The following CHST6 variants were observed in gnomAD, a reference collection of about 807,000 sequenced individuals.
The protein encoded by CHST6 is N-acetylglucosamine 6-O-sulfotransferase 5.
For missense variants in CHST6, 698 were observed against 586.2 expected (o/e 1.19, Z -1.97); for synonymous variants, 309 against 276.4 (o/e 1.12, Z -1.17).
chr16:75,482,406 G>A (rs1406147037), intron 1 of CHST6, among the ~76,000 whole-genome samples: 1 of 152,232 alleles, frequency 6.6e-6, no homozygotes, highest in Non-Finnish European at 1.5e-5. Flanking sequence ...AAATTAGCCA[G>A]GCGTTGTGGC....
chr16:75,480,570 A>T (rs1421031072), intron 2 of CHST6, among the ~76,000 whole-genome samples: 1 of 149,444 alleles, frequency 6.7e-6, no homozygotes, highest in Non-Finnish European at 1.5e-5. Context: ...GCAGTGTATG[A>T]TTTTTTTTTT....
Position 75,479,827 on chromosome 16 carries a change from ATGCTGAC to A in CHST6, c.-6_1del, listed in dbSNP as rs773100046. ...TGTGCTGGAGACGCGCGGCAGCCAC[ATGCTGAC>A]TGCTGGGGGCCTTAGGGAGGAGAGC... is the stretch of plus-strand genomic sequence containing the variant. On this transcript the variant is annotated start_lost and start_retained_variant and 5_prime_UTR_variant, in exon 3 of 3. Coordinates refer to ENST00000332272, the MANE Select transcript of CHST6 (RefSeq NM_021615.5). 23 of 1,553,898 alleles carry A rather than the reference ATGCTGAC, an allele frequency of 1.5e-5. No homozygotes were observed. The highest frequency in any genetic ancestry group is 3.9e-5 in the Admixed American group (2 of 51,304).
Position 75,495,060 on chromosome 16 carries a change from T to C in CHST6, c.-212A>G, listed in dbSNP as rs2080295234. The C allele has an allele frequency of 6.6e-6, 1 of 152,474 alleles. No individual in the cohort carries two copies. Among genetic ancestry groups the C allele is most frequent in the African/African-American group, 2.4e-5 (1 of 41,430 alleles). The allele number at this position is 152,474 out of a possible 1,614,324, so 9.4% of individuals were successfully genotyped here. A position where few individuals can be genotyped will look rare whatever the true frequency, so the allele number is the denominator to read the frequency against. ...AAATTCCACCGCACAGCCAGCTCTT[T>C]CTCTTCACTGGGAGGGTCCGCAGGG... On this transcript the variant is annotated 5_prime_UTR_variant, in exon 1 of 3. Coordinates refer to ENST00000332272, the MANE Select transcript of CHST6 (RefSeq NM_021615.5).
Position 75,478,665 on chromosome 16 carries a change from G to A in CHST6, c.1164C>T (p.Ser388=). The A allele has an allele frequency of 6.2e-7, 1 of 1,613,732 alleles. No homozygotes were observed. Among genetic ancestry groups the A allele is most frequent in the Non-Finnish European group, 8.5e-7 (1 of 1,180,010 alleles). ...ACTAATTTCGGGGGTGCGAGGCGGT[G>A]GATGATGCCCAAGTGAAGCCGTTCA... ...RGLNGFTWAS[S]TASHPRN The change falls in exon 3 of 3, where the codon TCC becomes TCT. Residue 388 remains serine, a synonymous_variant. Coordinates refer to ENST00000332272, the MANE Select transcript of CHST6 (RefSeq NM_021615.5).
chr16:75,483,834 G>A (rs1206855716), intron 1 of CHST6, among the ~76,000 whole-genome samples: 1 of 148,872 alleles, frequency 6.7e-6, no homozygotes, highest in Non-Finnish European at 1.5e-5. Flanking sequence ...GACCAGCCTG[G>A]GCAACATGGC....
chr16:75,489,095 G>A (rs1284129091), intron 1 of CHST6, among the ~76,000 whole-genome samples: 1 of 151,648 alleles, frequency 6.6e-6, no homozygotes, highest in African/African-American at 2.4e-5. Context: ...TGAGGAAAGT[G>A]AGGTGTAGAA....
At position 75,478,671 on chromosome 16, in the gene CHST6, T is replaced by C; in HGVS notation, c.1158A>G (p.Ala386=). ...TTCGGGGGTGCGAGGCGGTGGATGA[T>C]GCCCAAGTGAAGCCGTTCAGGCCTC... The part of the protein sequence containing the change: ...LPRGLNGFTW[A]SSTASHPRN The change falls in exon 3 of 3, where the codon GCA becomes GCG. Residue 386 remains alanine (A), a synonymous_variant. Coordinates refer to ENST00000332272, the MANE Select transcript of CHST6 (RefSeq NM_021615.5). The C allele has an allele frequency of 1.9e-6, 3 of 1,613,708 alleles. No individual in the cohort carries two copies. Among genetic ancestry groups the C allele is most frequent in the Non-Finnish European group, 2.5e-6 (3 of 1,180,018 alleles).
intron 1 of CHST6, among the ~76,000 whole-genome samples, chr16:75,489,170 G>A (rs1251751846): frequency 4.0e-5 from 6 of 151,748 alleles, no homozygotes; most frequent in Admixed American, 2.6e-4. Flanking sequence ...AGGCCGAGGC[G>A]GGCGGATTAC....
At chr16:75,490,351 G>A (rs988379577) in intron 1 of CHST6, among the ~76,000 whole-genome samples, 1 of 151,744 alleles carries the variant, frequency 6.6e-6, no homozygotes, top group African/African-American at 2.4e-5. Context: ...GGTGGCGCAT[G>A]CCTGTAAACC....
chr16:75,494,787 C>T (rs2080292041), intron 1 of CHST6, among the ~76,000 whole-genome samples, 153 bp downstream of exon 1: 2 of 152,228 alleles, frequency 1.3e-5, no homozygotes, highest in Admixed American at 1.3e-4. Flanking sequence ...ATGCCCTTTC[C>T]ACGTTGCTGA....
In CHST6 at chr16:75,479,801, C is replaced by A; in HGVS notation, c.28G>T (p.Ala10Ser). 1 of 1,574,924 alleles carries A rather than the reference C, an allele frequency of 6.3e-7. No individual in the cohort carries two copies. The highest frequency in any genetic ancestry group is 8.6e-7 in the Non-Finnish European group (1 of 1,162,084). The change falls in exon 3 of 3, where the codon GCA becomes TCA. Residue 10 changes from alanine (A) to serine (S), a missense_variant. Coordinates refer to ENST00000332272, the MANE Select transcript of CHST6 (RefSeq NM_021615.5). MWLPRVSST[A>S]VTALLLAQTF... The stretch of plus-strand genomic sequence containing the variant: ...TGCGCCAGGAGGAGCGCGGTCACTG[C>A]TGTGCTGGAGACGCGCGGCAGCCAC...
intron 1 of CHST6, among the ~76,000 whole-genome samples, chr16:75,494,411 TCA>T (rs940003868): frequency 6.6e-6 from 1 of 152,150 alleles, no homozygotes; most frequent in Non-Finnish European, 1.5e-5. Flanking sequence ...TCTTCAGGCC[TCA>T]GTTTTCCCAT....
Position 75,478,151 on chromosome 16 carries a change from C to T in CHST6, c.*490G>A, listed in dbSNP as rs116988656. The T allele has an allele frequency of 4.1e-4, 83 of 200,728 alleles. No homozygotes were observed. The East Asian group carries it at 9.4e-3, about 23-fold the overall frequency. 12.4% of individuals were successfully genotyped at this position (200,728 alleles called of 1,614,324 possible). Reference sequence around the variant, plus strand: ...AAAGCTCTCTCCTCCCTTCATCCTCCTTCTCACCATGTGATTTCAGACAAG... The same window carrying T: ...AAAGCTCTCTCCTCCCTTCATCCTCTTTCTCACCATGTGATTTCAGACAAG... On this transcript the variant is annotated 3_prime_UTR_variant, in exon 3 of 3. Transcript: ENST00000332272.
At chr16:75,484,415 G>C (rs905526394) in intron 1 of CHST6, among the ~76,000 whole-genome samples, 11 of 152,240 alleles carry the variant, frequency 7.2e-5, no homozygotes, top group African/African-American at 2.7e-4. Flanking sequence ...GGGCTCTGTG[G>C]TGGGTGTCGC....
At chr16:75,487,154 G>A (rs758456462) in intron 1 of CHST6, among the ~76,000 whole-genome samples, 1 of 152,186 alleles carries the variant, frequency 6.6e-6, no homozygotes, top group Admixed American at 6.6e-5. Context: ...GCTTTCTGCC[G>A]AGCACCTTAA....
In CHST6 at chr16:75,479,727, T is replaced by C. The variant is rs1397597878; in HGVS notation, c.102A>G (p.Pro34=). The part of the protein sequence containing the change: ...FLVSRPGPSS[P]AGGEARVHVL... The stretch of plus-strand genomic sequence containing the variant: ...CATGCACGCGCGCCTCGCCGCCTGC[T>C]GGGGACGAGGGCCCTGGCCGGGAAA... The change falls in exon 3 of 3, where the codon CCA becomes CCG. Residue 34 remains proline, a synonymous_variant. Coordinates refer to ENST00000332272, the MANE Select transcript of CHST6 (RefSeq NM_021615.5). 1 of 1,607,722 alleles carries C rather than the reference T, an allele frequency of 6.2e-7. No individual in the cohort carries two copies. Among genetic ancestry groups the C allele is most frequent in the Non-Finnish European group, 8.5e-7 (1 of 1,177,138 alleles).
chr16:75,478,739 CAG>C lies in CHST6; in HGVS notation c.1088_1089del (p.Ser363Ter). On this transcript the variant is annotated frameshift_variant, in exon 3 of 3. Coordinates refer to ENST00000332272, the MANE Select transcript of CHST6 (RefSeq NM_021615.5). LOFTEE classifies it low-confidence loss of function (END_TRUNC). ...LQLLGYRPVY[S>X]EDEQRNLALD... ...AGGGCGAGGTTGCGCTGCTCGTCCT[CAG>C]AGTACACAGGCCGGTAGCCCAGCAG... 1 of 1,613,550 alleles carries C rather than the reference CAG, an allele frequency of 6.2e-7. No homozygotes were observed. The highest frequency in any genetic ancestry group is 8.5e-7 in the Non-Finnish European group (1 of 1,180,026).
chr16:75,485,718 A>G (rs2080189266), intron 1 of CHST6, among the ~76,000 whole-genome samples: 2 of 152,322 alleles, frequency 1.3e-5, no homozygotes, highest in Non-Finnish European at 2.9e-5. Flanking sequence ...TCAGCAAAAG[A>G]TTCATCCAGG....
chr16:75,487,686 C>A (rs919190397), intron 1 of CHST6, among the ~76,000 whole-genome samples: 1 of 151,570 alleles, frequency 6.6e-6, no homozygotes, highest in Non-Finnish European at 1.5e-5. Flanking sequence ...GTAGTCCCAG[C>A]TACTCAGGAG....
Sources: allele counts gnomAD v4.1 joint callset (sites outside exome capture counted in the v4.1 genomes callset), GRCh38; gene constraint gnomAD v4.1.1; transcripts MANE v1.5; gene names NCBI Gene and HGNC (gene_info 2026-07-23, HGNC 2026-07-21).